SKAP1: variants seen among roughly 807,000 people sequenced by gnomAD.
SKAP1 encodes src kinase associated phosphoprotein 1.
SKAP1 carries 44 observed loss-of-function variants against 58.5 expected under a neutral mutation model. That is an observed-to-expected ratio of 0.75 (90% CI 0.59 to 0.97). The LOEUF is 0.97. Ranked by LOEUF, SKAP1 falls within the 50% of genes least tolerant of loss-of-function variation. SKAP1 has a pLI of 0.00. For synonymous variants in SKAP1, 127 were observed against 149.7 expected (o/e 0.85, Z 1.11); for missense variants, 390 against 435.2 (o/e 0.90, Z 0.92).
intron 2 of SKAP1, among the ~76,000 whole-genome samples, chr17:48,364,164 G>A (rs2066972930): frequency 6.6e-6 from 1 of 152,116 alleles, no homozygotes; most frequent in Non-Finnish European, 1.5e-5. Flanking sequence ...TGTATTACAG[G>A]ACTGTGTATT....
At chr17:48,156,605 C>T in intron 11 of SKAP1, 1 of 289,912 alleles carries the variant, frequency 3.4e-6, no homozygotes, top group Non-Finnish European at 7.4e-6. Context: ...AGATCTGCTT[C>T]GTTATTAAAA....
chr17:48,172,222 T>C (rs2064227881), intron 9 of SKAP1, among the ~76,000 whole-genome samples: 1 of 152,194 alleles, frequency 6.6e-6, no homozygotes, highest in Non-Finnish European at 1.5e-5. Context: ...ATTCAGCATG[T>C]CTTGTTCATT....
At chr17:48,400,990 G>A (rs1043181586) in intron 1 of SKAP1, among the ~76,000 whole-genome samples, 1 of 151,978 alleles carries the variant, frequency 6.6e-6, no homozygotes, top group Non-Finnish European at 1.5e-5. Flanking sequence ...AAGGAATCCA[G>A]ATAGCCAAAA....
chr17:48,218,646 T>C (rs757539948), intron 4 of SKAP1, among the ~76,000 whole-genome samples: 4 of 152,192 alleles, frequency 2.6e-5, no homozygotes, highest in Non-Finnish European at 5.9e-5. Context: ...ACAATGACTG[T>C]GTGAATGACA....
At chr17:48,434,928 G>T (rs1292849594), upstream of SKAP1, among the ~76,000 whole-genome samples, 2 of 152,152 alleles carry the variant, frequency 1.3e-5, no homozygotes, top group Admixed American at 1.3e-4. Context: ...ATCACTTGAG[G>T]CAGGGAGTTG....
chr17:48,392,850 G>A (rs573651184), intron 2 of SKAP1, among the ~76,000 whole-genome samples: 31 of 144,856 alleles, frequency 2.1e-4, no homozygotes, highest in African/African-American at 6.1e-4. Context: ...ACAGAGACTC[G>A]GTCTCAAAAA....
upstream of SKAP1, among the ~76,000 whole-genome samples, chr17:48,432,063 AG>A (rs2067921900): frequency 6.6e-6 from 1 of 152,192 alleles, no homozygotes; most frequent in African/African-American, 2.4e-5. Context: ...AATTGGGGTG[AG>A]GGGACAGAGG....
At chr17:48,293,653 T>C (rs2144090928) in intron 4 of SKAP1, among the ~76,000 whole-genome samples, 1 of 152,338 alleles carries the variant, frequency 6.6e-6, no homozygotes, top group South Asian at 2.1e-4. Flanking sequence ...TAAAACGTAA[T>C]AATGATAGCA....
upstream of SKAP1, among the ~76,000 whole-genome samples, chr17:48,435,092 C>T (rs1264423977): frequency 6.6e-6 from 1 of 152,126 alleles, no homozygotes; most frequent in African/African-American, 2.4e-5. Context: ...TCGAGGTTGC[C>T]GTGCCACTGC....
At chr17:48,231,435 A>G (rs559128970) in intron 4 of SKAP1, among the ~76,000 whole-genome samples, 1 of 152,188 alleles carries the variant, frequency 6.6e-6, no homozygotes, top group Non-Finnish European at 1.5e-5. Context: ...TTTTGCAGAA[A>G]GCAAAAGCAA....
At chr17:48,272,099 C>T (rs1166953465) in intron 4 of SKAP1, among the ~76,000 whole-genome samples, 1 of 151,262 alleles carries the variant, frequency 6.6e-6, no homozygotes, top group Non-Finnish European at 1.5e-5. Flanking sequence ...ATTATAAAAG[C>T]AGTAATGATT....
At chr17:48,373,348 G>A (rs533653238) in intron 2 of SKAP1, among the ~76,000 whole-genome samples, 3 of 152,198 alleles carry the variant, frequency 2.0e-5, no homozygotes, top group South Asian at 2.1e-4. Flanking sequence ...CTGCTCCCAC[G>A]ATCTAATCAC....
At chr17:48,436,738 A>T in the SKAP1 span, among the ~76,000 whole-genome samples, 130 of 151,876 alleles carry the variant, frequency 8.6e-4, no homozygotes, top group African/African-American at 3.0e-3. Context: ...TTCCTCCATC[A>T]AATCTCATGT....
At chr17:48,352,481 G>A (rs930215391) in intron 3 of SKAP1, among the ~76,000 whole-genome samples, 13 of 152,116 alleles carry the variant, frequency 8.5e-5, no homozygotes, top group Admixed American at 8.5e-4. Flanking sequence ...TGGCAACCAG[G>A]CAATCATAAT....
intron 4 of SKAP1, among the ~76,000 whole-genome samples, chr17:48,303,682 T>A (rs1014674038): frequency 2.0e-5 from 3 of 152,216 alleles, no homozygotes; most frequent in Non-Finnish European, 4.4e-5. Context: ...TGACAAAATA[T>A]CTGTAGAATA....
chr17:48,265,087 A>T (rs1042767958), intron 4 of SKAP1, among the ~76,000 whole-genome samples: 1 of 152,126 alleles, frequency 6.6e-6, no homozygotes, highest in Non-Finnish European at 1.5e-5. Flanking sequence ...TTTTTATAGG[A>T]TTTGTCTGTG....
intron 4 of SKAP1, among the ~76,000 whole-genome samples, chr17:48,314,633 G>A (rs1021198704): frequency 2.6e-5 from 4 of 152,140 alleles, no homozygotes; most frequent in African/African-American, 9.7e-5. Context: ...ATTGTTACTA[G>A]GGTTGGACAG....
intron 4 of SKAP1, among the ~76,000 whole-genome samples, chr17:48,266,957 A>G (rs988090439): frequency 3.9e-5 from 6 of 152,236 alleles, no homozygotes; most frequent in Admixed American, 3.9e-4. Context: ...TGACTAGACT[A>G]ACACTCAACA....
chr17:48,320,212 T>C (rs2066343601), intron 4 of SKAP1, among the ~76,000 whole-genome samples: 1 of 152,122 alleles, frequency 6.6e-6, no homozygotes, highest in Non-Finnish European at 1.5e-5. Flanking sequence ...TTCAAGAACA[T>C]GTCATCAGGA....
Sources: gnomAD v4.1 joint callset for allele counts (sites outside exome capture counted in the v4.1 genomes callset) on GRCh38, gnomAD v4.1.1 for gene constraint, MANE v1.5 for transcripts, NCBI Gene and HGNC (gene_info 2026-07-23, HGNC 2026-07-21) for gene names.